Variants in EPHA6 observed in about 807,000 individuals in gnomAD.
EPHA6 encodes EPH receptor A6.
In EPHA6, 50 loss-of-function variants were observed where a neutral mutation model predicts 112.0. The observed-to-expected ratio is 0.45, with a 90% CI of 0.36 to 0.56. EPHA6 has a LOEUF of 0.56. Ranked by LOEUF, EPHA6 falls within the 20% of genes least tolerant of loss-of-function variation. EPHA6 has a pLI of 0.00. For synonymous variants in EPHA6, 529 were observed against 490.7 expected (o/e 1.08, Z -1.03); for missense variants, 1,280 against 1,417.4 (o/e 0.90, Z 1.56).
At chr3:97,430,174 T>C (rs1380437935) in intron 6 of EPHA6, among the ~76,000 whole-genome samples, 1 of 152,168 alleles carries the variant, frequency 6.6e-6, no homozygotes, top group East Asian at 1.9e-4. Context: ...GTATATTACA[T>C]TGGGCATTAC....
At chr3:97,712,414 C>T (rs918501908) in intron 14 of EPHA6, among the ~76,000 whole-genome samples, 4 of 152,066 alleles carry the variant, frequency 2.6e-5, no homozygotes, top group African/African-American at 9.7e-5. Flanking sequence ...GAGTCTTTAC[C>T]ATGCAGTATG....
intron 10 of EPHA6, among the ~76,000 whole-genome samples, chr3:97,492,634 A>C (rs1448306398): frequency 6.8e-6 from 1 of 146,004 alleles, no homozygotes; most frequent in Non-Finnish European, 1.5e-5. Flanking sequence ...GCGGGAAGCT[A>C]AGGAAAGTAT....
At chr3:96,931,578 C>T (rs1378166404) in intron 2 of EPHA6, among the ~76,000 whole-genome samples, 1 of 152,228 alleles carries the variant, frequency 6.6e-6, no homozygotes, top group Admixed American at 6.5e-5. Context: ...AGCAAAGCAG[C>T]TATGCTGCAC....
rs901566892 is a variant in EPHA6 at position 97,694,529 on chromosome 3, G to A, written c.2785-25732G>A. 5.3e-5 allele frequency among the ~76,000 whole-genome samples: 8 copies of A among 152,284 alleles called. No homozygotes were observed. In the South Asian group the frequency reaches 8.3e-4, roughly 16 times the overall value. ...TGGGATTACAGGCGTGAGGCACTGCGCCCAGCCTGTGAGTCCCTTTCATAT... is the reference window on the plus strand; with the variant it reads ...TGGGATTACAGGCGTGAGGCACTGCACCCAGCCTGTGAGTCCCTTTCATAT... On this transcript the variant is annotated intron_variant, in intron 14 of 17. Transcript: ENST00000389672.
intron 11 of EPHA6, among the ~76,000 whole-genome samples, chr3:97,587,722 A>C (rs2093503982): frequency 6.6e-6 from 1 of 152,138 alleles, no homozygotes; most frequent in East Asian, 1.9e-4. Flanking sequence ...TTGGTGAATA[A>C]CACATTTTAG....
intron 3 of EPHA6, among the ~76,000 whole-genome samples, chr3:97,102,406 A>T (rs1258468579): frequency 2.6e-5 from 4 of 152,076 alleles, no homozygotes; most frequent in Non-Finnish European, 5.9e-5. Flanking sequence ...ATTTTAACCC[A>T]TTAAATGTGG....
At chr3:97,371,537 G>A (rs1268674276) in intron 5 of EPHA6, among the ~76,000 whole-genome samples, 3 of 152,020 alleles carry the variant, frequency 2.0e-5, no homozygotes, top group African/African-American at 4.8e-5. Flanking sequence ...ATCTTCATAA[G>A]CTCAGGAAGA....
chr3:97,286,976 T>A (rs2080487304), intron 5 of EPHA6, among the ~76,000 whole-genome samples: 1 of 151,988 alleles, frequency 6.6e-6, no homozygotes, highest in South Asian at 2.1e-4. Flanking sequence ...AATTTATTCC[T>A]AGGTTTTTGT....
chr3:97,703,630 A>G (rs1378746261), intron 14 of EPHA6, among the ~76,000 whole-genome samples: 1 of 152,192 alleles, frequency 6.6e-6, no homozygotes, highest in African/African-American at 2.4e-5. Flanking sequence ...GCTGAAGGAT[A>G]TAGATGAAAA....
chr3:97,496,262 C>T (rs946104832), intron 10 of EPHA6, among the ~76,000 whole-genome samples: 5 of 152,194 alleles, frequency 3.3e-5, no homozygotes, highest in African/African-American at 1.2e-4. Flanking sequence ...GTGGTTTCCT[C>T]CTCGCTTCAG....
chr3:96,822,686 A>G (rs2033356122), intron 1 of EPHA6, among the ~76,000 whole-genome samples: 3 of 150,602 alleles, frequency 2.0e-5, no homozygotes. Flanking sequence ...TACTTTATAT[A>G]TAATTTAAAA....
chr3:97,712,888 G>A (rs1469806308), intron 14 of EPHA6, among the ~76,000 whole-genome samples: 1 of 152,100 alleles, frequency 6.6e-6, no homozygotes, highest in Non-Finnish European at 1.5e-5. Context: ...ATGAGGAGAG[G>A]AGGAGGAGAG....
At chr3:97,476,879 T>TCTTAG in intron 8 of EPHA6, among the ~76,000 whole-genome samples, 1 of 152,130 alleles carries the variant, frequency 6.6e-6, no homozygotes, top group Admixed American at 6.5e-5. Context: ...ATAGTAATGG[T>TCTTAG]CTTAGAATTA....
chr3:97,716,900 A>C (rs1209670318), intron 14 of EPHA6, among the ~76,000 whole-genome samples: 1 of 152,036 alleles, frequency 6.6e-6, no homozygotes, highest in African/African-American at 2.4e-5. Flanking sequence ...GATTTATTCC[A>C]GTTCATACTT....
intron 3 of EPHA6, among the ~76,000 whole-genome samples, chr3:97,102,156 G>A (rs1474287737): frequency 1.3e-5 from 2 of 152,016 alleles, no homozygotes; most frequent in Non-Finnish European, 2.9e-5. Flanking sequence ...CTTGTGAGCT[G>A]CATGTTGGAG....
chr3:96,901,583 A>G (rs949973598), intron 2 of EPHA6, among the ~76,000 whole-genome samples: 1 of 152,206 alleles, frequency 6.6e-6, no homozygotes, highest in Non-Finnish European at 1.5e-5. Flanking sequence ...AAATAAAATT[A>G]CATAATGTAT....
chr3:97,573,941 T>C (rs1022801574), intron 11 of EPHA6, among the ~76,000 whole-genome samples: 12 of 151,582 alleles, frequency 7.9e-5, no homozygotes, highest in African/African-American at 2.9e-4. Flanking sequence ...GCAAATAGAA[T>C]AGTTCCAGAA....
intron 5 of EPHA6, among the ~76,000 whole-genome samples, chr3:97,293,562 C>G (rs1039497565): frequency 6.6e-6 from 1 of 152,206 alleles, no homozygotes; most frequent in African/African-American, 2.4e-5. Flanking sequence ...AGCAGGTAGT[C>G]GTGACATCTG....
chr3:97,124,455 G>A (rs1026142588), intron 3 of EPHA6, among the ~76,000 whole-genome samples: 1 of 132,390 alleles, frequency 7.6e-6, no homozygotes, highest in Non-Finnish European at 1.5e-5. Context: ...GATTAGAGAG[G>A]CATTCTGTTT....
Sources: gnomAD v4.1 joint callset for allele counts (sites outside exome capture counted in the v4.1 genomes callset) on GRCh38, gnomAD v4.1.1 for gene constraint, MANE v1.5 for transcripts, NCBI Gene and HGNC (gene_info 2026-07-23, HGNC 2026-07-21) for gene names.